RNF111: variants seen among roughly 807,000 people sequenced by gnomAD.
RNF111 encodes the protein ring finger protein 111.
In RNF111, 17 loss-of-function variants were observed where a neutral mutation model predicts 95.1. The ratio of observed to expected loss-of-function variants is 0.18; its 90% confidence interval spans 0.12 to 0.27. The LOEUF is 0.27. RNF111 is among the 10% of genes least tolerant of loss of function. The pLI is 1.00. For missense variants in RNF111, 1,189 were observed against 1,210.4 expected (o/e 0.98, Z 0.26); for synonymous variants, 440 against 414.8 (o/e 1.06, Z -0.74).
In RNF111 at chr15:59,084,219, C is replaced by T. The variant is rs544609177; in HGVS notation, c.2388C>T (p.Ser796=). ...GHHIHVPQTM[S]SHPRQAPERS... is the part of the protein sequence containing the mutation. ...ATATTCATGTGCCTCAGACTATGTC[C>T]TCACATCCTCGACAGGCTCCAGAGA... Residue 796 remains serine (S), a synonymous_variant, in exon 9 of 14, where the codon TCC becomes TCT. Transcript: ENST00000348370. The T allele has an allele frequency of 8.1e-6, 13 of 1,597,074 alleles. No homozygotes were observed. In the South Asian group the frequency reaches 1.5e-4, roughly 18 times the overall value.
intron 6 of RNF111, among the ~76,000 whole-genome samples, chr15:59,073,064 T>A (rs56334435): frequency 6.6e-6 from 1 of 151,790 alleles, no homozygotes; most frequent in African/African-American, 2.4e-5. Flanking sequence ...CCTAGCTACT[T>A]GGGAGGCTGA....
intron 2 of RNF111, among the ~76,000 whole-genome samples, chr15:59,042,241 C>T (rs1348514381): frequency 6.6e-6 from 1 of 152,106 alleles, no homozygotes; most frequent in African/African-American, 2.4e-5. Context: ...ATCCTCCCAC[C>T]TCAGCCTCCT....
chr15:59,038,314 A>G (rs191823057), intron 2 of RNF111, among the ~76,000 whole-genome samples: 7 of 152,300 alleles, frequency 4.6e-5, no homozygotes, highest in African/African-American at 1.4e-4. Context: ...ATTATCTAAT[A>G]GCTGTATATA....
chr15:59,044,121 C>T (rs1181869471), intron 2 of RNF111, among the ~76,000 whole-genome samples: 1 of 152,146 alleles, frequency 6.6e-6, no homozygotes, highest in Non-Finnish European at 1.5e-5. Flanking sequence ...ACCCCCACCT[C>T]CCGGGTTCAA....
chr15:59,076,263 G>A, intron 7 of RNF111, 48 bp downstream of exon 7: 4 of 1,579,162 alleles, frequency 2.5e-6, no homozygotes, highest in Non-Finnish European at 2.6e-6. Flanking sequence ...TGTCAATGAA[G>A]CATTTTGTAC....
chr15:59,001,938 T>C, intron 1 of RNF111, among the ~76,000 whole-genome samples: 1 of 152,274 alleles, frequency 6.6e-6, no homozygotes, highest in Admixed American at 6.5e-5. Flanking sequence ...TAAAAAAATT[T>C]ATAACTATAT....
At chr15:59,010,800 T>C (rs2039765132) in intron 1 of RNF111, among the ~76,000 whole-genome samples, 1 of 152,154 alleles carries the variant, frequency 6.6e-6, no homozygotes, top group African/African-American at 2.4e-5. Flanking sequence ...ATGAGAGATG[T>C]AGGGAGCTTA....
Position 59,031,254 on chromosome 15 carries a change from T to A in RNF111, c.432T>A (p.Ser144Arg), listed in dbSNP as rs200798645. 6.2e-7 allele frequency: 1 copy of A among 1,614,162 alleles called. No homozygotes were observed. Among genetic ancestry groups the A allele is most frequent in the Non-Finnish European group, 8.5e-7 (1 of 1,180,010 alleles). ...ATTGTCTTTCTTCTCCTTCATCTAG[T>A]CTGCATTTTGGAGATTCTGATACTG... Reference protein sequence around the residue: ...FSDCLSSPSSSLHFGDSDTVT... With the variant: ...FSDCLSSPSSRLHFGDSDTVT... Residue 144 changes from serine (S) to arginine (R), a missense_variant, in exon 2 of 14, where the codon AGT becomes AGA. Ser to Arg is a moderately radical substitution (Grantham distance 110, BLOSUM62 -1). Around this residue, in one of 2 missense-constraint regions of RNF111, gnomAD observed 1,024 missense variants for 925.9 expected, o/e 1.11. Transcript: ENST00000348370.
intron 1 of RNF111, among the ~76,000 whole-genome samples, chr15:59,017,645 G>A (rs1398962693): frequency 6.6e-6 from 1 of 151,656 alleles, no homozygotes; most frequent in South Asian, 2.1e-4. Context: ...TCTAAGAGTA[G>A]TTTGTAAGTT....
intron 1 of RNF111, among the ~76,000 whole-genome samples, chr15:59,008,049 T>C (rs2039621522): frequency 2.0e-5 from 3 of 152,180 alleles, no homozygotes; most frequent in African/African-American, 7.2e-5. Context: ...GGTAGTACTT[T>C]CTGTATCCTG....
intron 2 of RNF111, among the ~76,000 whole-genome samples, chr15:59,044,924 A>G (rs2141895208): frequency 6.6e-6 from 1 of 152,276 alleles, no homozygotes; most frequent in African/African-American, 2.4e-5. Context: ...ATTTTTATGT[A>G]TTATGTTCAA....
At chr15:59,014,167 G>A (rs1257295727) in intron 1 of RNF111, among the ~76,000 whole-genome samples, 1 of 152,028 alleles carries the variant, frequency 6.6e-6, no homozygotes, top group Non-Finnish European at 1.5e-5. Context: ...TTTGGCCTTT[G>A]GGAGCTCTTT....
In RNF111 at chr15:59,032,024, C is replaced by T. The variant is rs561498569; in HGVS notation, c.880+322C>T. On this transcript the variant is annotated intron_variant, in intron 2 of 13. Coordinates refer to ENST00000348370, the MANE Select transcript of RNF111 (RefSeq NM_017610.8). ...CGCAATCTCGGCTCACTGCAACCTC[C>T]GCCTCCTGGGTTCAAGCAATTCTCC... Among the ~76,000 whole-genome samples, 10 of 152,108 alleles carry T rather than the reference C, an allele frequency of 6.6e-5. No homozygotes were observed. The South Asian group carries it at 1.7e-3, about 25-fold the overall frequency.
intron 1 of RNF111, among the ~76,000 whole-genome samples, chr15:59,007,342 T>G (rs1410010182): frequency 2.6e-5 from 4 of 152,220 alleles, no homozygotes; most frequent in Non-Finnish European, 1.5e-5. Context: ...ACCGATACTT[T>G]GTGTCTAGTT....
At chr15:59,085,842 T>A in intron 10 of RNF111, 57 bp downstream of exon 10, 1 of 1,460,370 alleles carries the variant, frequency 6.8e-7, no homozygotes, top group Non-Finnish European at 9.4e-7. Flanking sequence ...TTTCTAAGTA[T>A]TTTATTGGAA....
chr15:59,066,715 A>G, intron 5 of RNF111, 49 bp from the exon 6 acceptor site: 1 of 1,424,724 alleles, frequency 7.0e-7, no homozygotes, highest in Admixed American at 1.9e-5. Context: ...TTTTTTACAC[A>G]GTGATATTTC....
intron 1 of RNF111, among the ~76,000 whole-genome samples, chr15:59,026,103 T>C (rs1438395382): frequency 6.6e-6 from 1 of 152,114 alleles, no homozygotes; most frequent in East Asian, 1.9e-4. Context: ...TATTTAAAGT[T>C]GAAACAAGTA....
At chr15:59,001,843 G>T (rs549276604) in intron 1 of RNF111, among the ~76,000 whole-genome samples, 1 of 152,194 alleles carries the variant, frequency 6.6e-6, no homozygotes, top group African/African-American at 2.4e-5. Context: ...ACCCCCAGTA[G>T]ATGCTTAACA....
chr15:59,040,303 T>A (rs2041387266), intron 2 of RNF111, among the ~76,000 whole-genome samples: 1 of 151,954 alleles, frequency 6.6e-6, no homozygotes, highest in African/African-American at 2.4e-5. Flanking sequence ...TATTTTAATT[T>A]TTTTTTTAGA....
Sources: gnomAD v4.1 joint callset for allele counts (sites outside exome capture counted in the v4.1 genomes callset) on GRCh38, gnomAD v4.1.1 for gene constraint, gnomAD v4.1.1 regional missense constraint, MANE v1.5 for transcripts, NCBI Gene and HGNC (gene_info 2026-07-23, HGNC 2026-07-21) for gene names.